The following SPRY3 variants were observed in gnomAD, a reference collection of about 807,000 sequenced individuals.
SPRY3 encodes the protein protein sprouty homolog 3.
SPRY3 carries 15 observed loss-of-function variants against 20.2 expected under a neutral mutation model. The observed-to-expected ratio is 0.74, with a 90% CI of 0.50 to 1.14. The LOEUF is 1.14. Among genes scored for constraint, SPRY3 ranks in the 50% most tolerant of loss-of-function variants. The pLI is 0.00. For synonymous variants in SPRY3, 143 were observed against 136.5 expected, an observed-to-expected ratio of 1.05 and a Z score of -0.33; for missense variants, 364 against 363.9, an observed-to-expected ratio of 1.00 and a Z score of 0.00.
At chrX:155,685,961 G>A (rs748781904) in intron 2 of SPRY3, among the ~76,000 whole-genome samples, 11 of 110,480 alleles carry the variant, frequency 1.0e-4, no homozygotes, top group Non-Finnish European at 1.5e-4. Context: ...TAGAGACGGG[G>A]GTTTGGTAGA....
intron 2 of SPRY3, among the ~76,000 whole-genome samples, chrX:155,700,094 CA>C (rs2068131586): frequency 1.0e-5 from 1 of 100,500 alleles, no homozygotes; most frequent in African/African-American, 3.7e-5. Context: ...AAACAAACAA[CA>C]AAAAGACAAC....
At chrX:155,717,245 C>T (rs1003056060) in intron 2 of SPRY3, among the ~76,000 whole-genome samples, 3 of 151,268 alleles carry the variant, frequency 2.0e-5, no homozygotes, top group Non-Finnish European at 4.4e-5. Context: ...CCCAATCAGC[C>T]AAGGATGTAT....
chrX:155,744,270 T>G (rs1367798186), intron 2 of SPRY3, among the ~76,000 whole-genome samples: 2 of 151,926 alleles, frequency 1.3e-5, no homozygotes, highest in Non-Finnish European at 2.9e-5. Context: ...GCAAGAGTCT[T>G]GGAGAAAAAT....
intron 2 of SPRY3, among the ~76,000 whole-genome samples, chrX:155,748,083 A>G (rs1424733761): frequency 6.6e-6 from 1 of 151,844 alleles, no homozygotes; most frequent in Non-Finnish European, 1.5e-5. Context: ...CCAGAGAGGG[A>G]GAAAGGATGA....
rs143683704 is a variant in SPRY3, at chrX:155,756,374, G to A, written c.-281-11588G>A. ...GGAAGTATCCTGCTAAGTTAATACA[G>A]GAATCTAAACACCATGTGGCCAGGT... On this transcript the variant is annotated intron_variant, in intron 2 of 3. Transcript: ENST00000675360. Among the ~76,000 whole-genome samples, 1,228 of 152,188 alleles carry A rather than the reference G, an allele frequency of 8.1e-3. 14 individuals carry two copies. The highest frequency in any genetic ancestry group is 0.028 in the African/African-American group (1,172 of 41,528).
intron 2 of SPRY3, among the ~76,000 whole-genome samples, chrX:155,743,628 G>A (rs1411163465): frequency 3.3e-5 from 5 of 152,004 alleles, no homozygotes; most frequent in South Asian, 2.1e-4. Context: ...GAAAGTTATC[G>A]AGAACCTTTC....
At chrX:155,740,073 T>C (rs758493526) in intron 2 of SPRY3, among the ~76,000 whole-genome samples, 1 of 152,246 alleles carries the variant, frequency 6.6e-6, no homozygotes, top group African/African-American at 2.4e-5. Context: ...CAGAGGAACA[T>C]AAATTATGAA....
At chrX:155,660,300 AT>A (rs1240410179) in intron 2 of SPRY3, among the ~76,000 whole-genome samples, 1 of 111,924 alleles carries the variant, frequency 8.9e-6, no homozygotes, top group Non-Finnish European at 1.9e-5. Context: ...TCAGGAGCAG[AT>A]TGTTTAATTT....
chrX:155,688,049 T>TCC (rs1328637047), intron 2 of SPRY3, among the ~76,000 whole-genome samples: 2 of 21,783 alleles, frequency 9.2e-5, no homozygotes, highest in African/African-American at 3.3e-4. Flanking sequence ...CCCCCACCCC[T>TCC]CCCCCGCCCC....
At chrX:155,633,494 C>A (rs965252352) in intron 1 of SPRY3, among the ~76,000 whole-genome samples, 1 of 109,244 alleles carries the variant, frequency 9.2e-6, no homozygotes, top group Non-Finnish European at 1.9e-5. Context: ...ATACTGTAAA[C>A]CTTATCCCAA....
intron 1 of SPRY3, among the ~76,000 whole-genome samples, chrX:155,629,489 T>C (rs1005784725): frequency 9.0e-6 from 1 of 111,232 alleles, no homozygotes; most frequent in Non-Finnish European, 1.9e-5. Flanking sequence ...GTCTTTATAG[T>C]AGCATGATTT....
At chrX:155,655,569 C>T (rs1187288700) in intron 1 of SPRY3, among the ~76,000 whole-genome samples, 8 of 111,427 alleles carry the variant, frequency 7.2e-5, no homozygotes, top group African/African-American at 2.6e-4. Context: ...CATTCTTCTG[C>T]GTATGATGAT....
At chrX:155,729,259 C>T (rs1392656851) in intron 2 of SPRY3, among the ~76,000 whole-genome samples, 1 of 152,162 alleles carries the variant, frequency 6.6e-6, no homozygotes, top group African/African-American at 2.4e-5. Flanking sequence ...ACAGAATACA[C>T]ATTCTTTTCC....
At chrX:155,757,922 A>G (rs1569396914) in intron 2 of SPRY3, among the ~76,000 whole-genome samples, 2 of 152,276 alleles carry the variant, frequency 1.3e-5, no homozygotes, top group South Asian at 4.1e-4. Context: ...AGTAAATGGA[A>G]CAACTTTTCT....
chrX:155,697,259 G>T (rs1444830065), intron 2 of SPRY3, among the ~76,000 whole-genome samples: 1 of 110,842 alleles, frequency 9.0e-6, no homozygotes, highest in East Asian at 2.8e-4. Context: ...TAGAACAAAA[G>T]GTAGAGGAAA....
In SPRY3 at chrX:155,696,946, A is replaced by G. The variant is rs369316815; in HGVS notation, c.-282+39921A>G. On this transcript the variant is annotated intron_variant, in intron 2 of 3. Coordinates refer to ENST00000675360, the Ensembl canonical transcript of SPRY3. The stretch of plus-strand genomic sequence containing the variant: ...ATATCTTAAGAATCAGGATAGTACA[A>G]TCTAGTAATGGGTACTTACAATGTA... 8.5e-4 allele frequency among the ~76,000 whole-genome samples: 95 copies of G among 111,785 alleles called. 3 individuals carry two copies. The South Asian group carries it at 0.033, about 39-fold the overall frequency.
At chrX:155,767,561 G>C in intron 2 of SPRY3, among the ~76,000 whole-genome samples, 1 of 151,332 alleles carries the variant, frequency 6.6e-6, no homozygotes, top group East Asian at 2.0e-4. Flanking sequence ...GAAAGAGGAG[G>C]GGGAGGAGGT....
chrX:155,707,743 T>A (rs1456324117), intron 2 of SPRY3, among the ~76,000 whole-genome samples: 1 of 151,230 alleles, frequency 6.6e-6, no homozygotes, highest in Non-Finnish European at 1.5e-5. Context: ...TTTCAACTCC[T>A]TATGTTTATA....
chrX:155,655,024 T>A lies in SPRY3; in HGVS notation c.-440-1843T>A, dbSNP rs1603123099. On this transcript the variant is annotated intron_variant, in intron 1 of 3. Transcript: ENST00000675360. ...CCTTTCCTCTAAATCCTTGCCAACA[T>A]CTGTTGTTTTTTTGACTTTTTAGTA... is the stretch of plus-strand genomic sequence containing the variant. Among the ~76,000 whole-genome samples the A allele has an allele frequency of 3.6e-5, 4 of 111,346 alleles. No individual in the cohort carries two copies. The Admixed American group carries it at 3.8e-4, about 11-fold the overall frequency.
Sources: allele counts gnomAD v4.1 joint callset (sites outside exome capture counted in the v4.1 genomes callset), GRCh38; gene constraint gnomAD v4.1.1; transcripts MANE v1.5; gene names NCBI Gene and HGNC (gene_info 2026-07-23, HGNC 2026-07-21).